The following DCAF5 variants were observed in gnomAD, a reference collection of about 807,000 sequenced individuals.
The protein encoded by DCAF5 is DDB1 and CUL4 associated factor 5.
DCAF5 carries 9 observed loss-of-function variants against 80.7 expected under a neutral mutation model. The ratio of observed to expected loss-of-function variants is 0.11; its 90% CI spans 0.07 to 0.19. DCAF5 has a LOEUF of 0.19. Ranked by LOEUF, DCAF5 falls within the 10% of genes least tolerant of loss-of-function variation. The probability of loss-of-function intolerance (pLI) is 1.00; values close to 1 mark genes in which losing one functional copy is unlikely to be tolerated. For missense variants in DCAF5, 842 were observed against 1,205.7 expected (o/e 0.70, Z 4.47); for synonymous variants, 433 against 461.9 (o/e 0.94, Z 0.80).
chr14:69,150,838 G>A (rs1050140922), intron 1 of DCAF5, among the ~76,000 whole-genome samples: 2 of 152,152 alleles, frequency 1.3e-5, no homozygotes, highest in Non-Finnish European at 1.5e-5. Context: ...GCTGCAGTGA[G>A]CAGTGAGTGA....
At chr14:69,077,177 C>T (rs1049145109) in intron 6 of DCAF5, among the ~76,000 whole-genome samples, 1 of 152,090 alleles carries the variant, frequency 6.6e-6, no homozygotes, top group Non-Finnish European at 1.5e-5. Context: ...TGCTCATTTC[C>T]CTGAAAAAGA....
chr14:69,058,477 C>A (rs2038066555), intron 8 of DCAF5, among the ~76,000 whole-genome samples: 1 of 151,904 alleles, frequency 6.6e-6, no homozygotes, highest in African/African-American at 2.4e-5. Context: ...CGAGATCGCG[C>A]CACTGCACTC....
In DCAF5 at chr14:69,068,344, G is replaced by A. The variant is rs189206974; in HGVS notation, c.947-5833C>T. Among the ~76,000 whole-genome samples the A allele has an allele frequency of 5.6e-3, 847 of 152,294 alleles. 7 individuals are homozygous for A. The highest frequency in any genetic ancestry group is 0.019 in the African/African-American group (804 of 41,562). ...AAGTTAAAGTTATCTGCTAAAATGA[G>A]GTTTGGTAAGTAGATTTAAGACAAT... On this transcript the variant is annotated intron_variant, in intron 7 of 8. Coordinates refer to ENST00000341516, the MANE Select transcript of DCAF5 (RefSeq NM_003861.3).
rs1004845069 is a variant in DCAF5, at chr14:69,091,895, G to A, written c.666-8C>T. On this transcript the variant is annotated splice_polypyrimidine_tract_variant and splice_region_variant and intron_variant, in intron 5 of 8. Transcript: ENST00000341516. ...CCATAGCGCAGGAGAGAACTGGAAGGCACAAGGCACAGGAATCAGGCATGA... is the reference window on the plus strand; with the variant it reads ...CCATAGCGCAGGAGAGAACTGGAAGACACAAGGCACAGGAATCAGGCATGA... The A allele has an allele frequency of 1.2e-6, 2 of 1,605,036 alleles. No individual in the cohort carries two copies. Among genetic ancestry groups the A allele is most frequent in the Non-Finnish European group, 8.5e-7 (1 of 1,175,010 alleles).
rs191198400 is a variant in DCAF5 at position 69,065,341 on chromosome 14, C to T, written c.947-2830G>A. ...TGAACTCCTGACCTCATGATCCACC[C>T]GCCTCGGCCTCCCAAAGTGCTGGGA... On this transcript the variant is annotated intron_variant, in intron 7 of 8. Coordinates refer to ENST00000341516, the MANE Select transcript of DCAF5 (RefSeq NM_003861.3). Among the ~76,000 whole-genome samples, 144 of 152,224 alleles carry T rather than the reference C, an allele frequency of 9.5e-4. No individual in the cohort carries two copies. In the Middle Eastern group the frequency reaches 0.01, roughly 11 times the overall value.
intron 7 of DCAF5, among the ~76,000 whole-genome samples, chr14:69,073,518 T>C (rs1029666051): frequency 6.6e-6 from 1 of 151,580 alleles, no homozygotes; most frequent in Non-Finnish European, 1.5e-5. Context: ...CTGGGCACAG[T>C]GGCTCATGCC....
chr14:69,057,109 T>A (rs1390365680), intron 8 of DCAF5, among the ~76,000 whole-genome samples: 1 of 152,216 alleles, frequency 6.6e-6, no homozygotes, highest in African/African-American at 2.4e-5. Flanking sequence ...ATCAGGACCA[T>A]GCATTTTTAA....
chr14:69,119,670 G>A (rs1202288373), intron 2 of DCAF5, among the ~76,000 whole-genome samples: 3 of 148,790 alleles, frequency 2.0e-5, no homozygotes, highest in East Asian at 4.0e-4. Flanking sequence ...AGCTACGATC[G>A]CACTCCAGCC....
chr14:69,151,207 C>G (rs2041691972), intron 1 of DCAF5, among the ~76,000 whole-genome samples: 1 of 152,084 alleles, frequency 6.6e-6, no homozygotes, highest in Admixed American at 6.5e-5. Context: ...TCTGAAAGAT[C>G]AGGTTTCTTC....
At chr14:69,124,298 A>G (rs1300390545) in intron 1 of DCAF5, among the ~76,000 whole-genome samples, 1 of 152,210 alleles carries the variant, frequency 6.6e-6, no homozygotes, top group Non-Finnish European at 1.5e-5. Context: ...CAAGTGTACA[A>G]ATAACTTTTT....
intron 7 of DCAF5, among the ~76,000 whole-genome samples, chr14:69,072,636 A>C (rs142729354): frequency 0.11 from 17,161 of 150,546 alleles, 1,178 homozygotes; most frequent in Middle Eastern, 0.21. Context: ...AAAAAAAAAA[A>C]AAAAAAAAAC....
At chr14:69,142,229 G>GGT (rs1446227373) in intron 1 of DCAF5, among the ~76,000 whole-genome samples, 1 of 152,174 alleles carries the variant, frequency 6.6e-6, no homozygotes, top group Non-Finnish European at 1.5e-5. Context: ...GAGCATGGAG[G>GGT]GTCAAAGCTA....
chr14:69,092,161 G>A (rs2039555409), intron 5 of DCAF5, among the ~76,000 whole-genome samples: 1 of 152,134 alleles, frequency 6.6e-6, no homozygotes, highest in African/African-American at 2.4e-5. Context: ...TGAAAGAAGA[G>A]ACATATTAAA....
chr14:69,066,408 T>A (rs2038443796), intron 7 of DCAF5, among the ~76,000 whole-genome samples: 1 of 152,194 alleles, frequency 6.6e-6, no homozygotes, highest in African/African-American at 2.4e-5. Flanking sequence ...GTGCTGGGAT[T>A]ACAGGCATGA....
intron 1 of DCAF5, among the ~76,000 whole-genome samples, chr14:69,129,469 C>T (rs954098785): frequency 2.6e-5 from 4 of 152,156 alleles, no homozygotes; most frequent in African/African-American, 4.8e-5. Flanking sequence ...AACAGCTGTG[C>T]CCAAGCCTCT....
At chr14:69,085,168 A>C in intron 6 of DCAF5, 1 of 743,118 alleles carries the variant, frequency 1.3e-6, no homozygotes. Context: ...TCTCTGAAAC[A>C]GATCTTTAAT....
intron 6 of DCAF5, chr14:69,083,505 C>T (rs1444894484): frequency 6.0e-6 from 2 of 330,798 alleles, no homozygotes; most frequent in East Asian, 8.2e-5. Context: ...TGACCCTGTC[C>T]GAAACTCAAA....
chr14:69,083,874 C>A, intron 6 of DCAF5: 1 of 760,990 alleles, frequency 1.3e-6, no homozygotes, highest in Non-Finnish European at 2.4e-6. Context: ...AGATGCCCAG[C>A]CTGCCCCTGG....
chr14:69,107,378 A>G (rs2040199102), intron 5 of DCAF5, among the ~76,000 whole-genome samples: 1 of 152,196 alleles, frequency 6.6e-6, no homozygotes, highest in South Asian at 2.1e-4. Context: ...AAGACCAACA[A>G]AATTGCTAAA....
Sources: gnomAD v4.1 joint callset for allele counts (sites outside exome capture counted in the v4.1 genomes callset) on GRCh38, gnomAD v4.1.1 for gene constraint, MANE v1.5 for transcripts, NCBI Gene and HGNC (gene_info 2026-07-23, HGNC 2026-07-21) for gene names.